Variants in FAT1 observed in about 807,000 individuals in gnomAD.
The protein encoded by FAT1 is FAT atypical cadherin 1, also known as protocadherin Fat 1.
Under a neutral mutation model 329.8 loss-of-function variants are expected in FAT1, and 171 were observed. The ratio of observed to expected loss-of-function variants is 0.52; its 90% CI spans 0.46 to 0.59. The LOEUF (loss-of-function observed/expected upper bound fraction) is 0.59. FAT1 is among the 20% of genes least tolerant of loss of function. The pLI, the probability that FAT1 is intolerant of heterozygous loss-of-function variation, is 0.00. For synonymous variants in FAT1, 2,233 were observed against 2,228.6 expected (o/e 1.00, Z -0.06); for missense variants, 5,672 against 5,774.4 (o/e 0.98, Z 0.57).
chr4:186,613,922 T>A (rs1739582284), intron 12 of FAT1, among the ~76,000 whole-genome samples: 1 of 150,514 alleles, frequency 6.6e-6, no homozygotes, highest in Non-Finnish European at 1.5e-5. Context: ...CTGAGGGTTG[T>A]TTTTTTTAAA....
chr4:186,618,980 C>T lies in FAT1; in HGVS notation c.7606G>A (p.Ala2536Thr), dbSNP rs1560939993. 1.2e-6 allele frequency: 2 copies of T among 1,613,992 alleles called. No individual in the cohort carries two copies. The highest frequency in any genetic ancestry group is 1.7e-6 in the Non-Finnish European group (2 of 1,179,898). The change falls in exon 10 of 27, where the codon GCC becomes ACC. Residue 2536 changes from alanine to threonine, a missense_variant. Coordinates refer to ENST00000441802, the MANE Select transcript of FAT1 (RefSeq NM_005245.4). ...HVTYHIVNDF[A>T]KDRFYINERG... ...TCATTTATGTAAAATCTGTCTTTGG[C>T]AAAGTCATTTACAATATGGTAAGTA...
intron 1 of FAT1, among the ~76,000 whole-genome samples, chr4:186,715,724 T>C (rs1447015830): frequency 1.3e-5 from 2 of 152,202 alleles, no homozygotes; most frequent in Non-Finnish European, 2.9e-5. Context: ...GTGATCACAC[T>C]ACTTAAACTC....
rs547340067 is a variant in FAT1 at position 186,707,019 on chromosome 4, G to C, written c.2809C>G (p.Arg937Gly). The change falls in exon 2 of 27, where the codon CGA (arginine) becomes GGA (glycine). Residue 937 changes from arginine to glycine, a missense_variant. Arg to Gly is a moderately radical substitution (Grantham distance 125). Coordinates refer to ENST00000441802, the MANE Select transcript of FAT1 (RefSeq NM_005245.4). ...FIPPNYRVKVREDLPEGTVIM... is the reference protein window; with the variant it reads ...FIPPNYRVKVGEDLPEGTVIM... ...ACGGTTCCTTCTGGAAGATCCTCTC[G>C]GACTTTCACACGATAATTAGGTGGA... is the stretch of plus-strand genomic sequence containing the variant. The C allele has an allele frequency of 6.2e-7, 1 of 1,613,680 alleles. No homozygotes were observed. Among genetic ancestry groups the C allele is most frequent in the African/African-American group, 1.3e-5 (1 of 74,838 alleles).
Position 186,709,133 on chromosome 4 carries a change from T to G in FAT1, c.695A>C (p.Tyr232Ser). ...ILAADRGMKL[Y>S]GSSGISSMAK... ...CATGCTGCTGATGCCACTGCTCCCA[T>G]ACAACTTCATGCCACGGTCCGCAGC... is the stretch of plus-strand genomic sequence containing the variant. The change falls in exon 2 of 27, where the codon TAT becomes TCT. Residue 232 changes from tyrosine (Y) to serine (S), a missense_variant. Coordinates refer to ENST00000441802, the MANE Select transcript of FAT1 (RefSeq NM_005245.4). 1 of 1,613,982 alleles carries G rather than the reference T, an allele frequency of 6.2e-7. No individual in the cohort carries two copies. The highest frequency in any genetic ancestry group is 8.5e-7 in the Non-Finnish European group (1 of 1,179,878).
At position 186,596,501 on chromosome 4, in the gene FAT1, T is replaced by G. The variant is rs982046185; in HGVS notation, c.13000+39A>C. ...AGAATTTGTAACCTCACTGTTTATC[T>G]CAAGTGACACTTTAGTGAGATGAAA... On this transcript the variant is annotated intron_variant, in intron 25 of 26. Coordinates refer to ENST00000441802, the MANE Select transcript of FAT1 (RefSeq NM_005245.4). This position sits in a 1 kb window ranked among gnomAD's most constrained non-coding sequence, Gnocchi z 4.7. 3.2e-6 allele frequency: 5 copies of G among 1,577,992 alleles called. No homozygotes were observed. Among genetic ancestry groups the G allele is most frequent in the Non-Finnish European group, 4.3e-6 (5 of 1,164,160 alleles).
intron 3 of FAT1, among the ~76,000 whole-genome samples, chr4:186,653,609 T>C (rs1741770641): frequency 6.6e-6 from 1 of 152,232 alleles, no homozygotes; most frequent in Non-Finnish European, 1.5e-5. Context: ...AGCTTGTTTT[T>C]GTGTGGCTGG....
At chr4:186,636,495 A>G (rs893069298) in intron 5 of FAT1, 90 bp downstream of exon 5, 1 of 1,362,768 alleles carries the variant, frequency 7.3e-7, no homozygotes, top group African/African-American at 1.5e-5. Context: ...GCCGTTTACA[A>G]AATAGAAATA....
Position 186,708,510 on chromosome 4 carries a change from T to C in FAT1, c.1318A>G (p.Thr440Ala), listed in dbSNP as rs2126697064. The stretch of plus-strand genomic sequence containing the variant: ...TTGGTGGACGCTTTTCTGTCACTTG[T>C]TGTTACTTCAAGTTCAAAATGGGCT... ...QAAHFELEVT[T>A]SDRKASTKVL... The change falls in exon 2 of 27, where the codon ACA becomes GCA. Residue 440 changes from threonine (T) to alanine (A), a missense_variant. Physicochemically the swap from Thr to Ala is moderately conservative, Grantham distance 58 (BLOSUM62 0). Around this residue, in one of 2 missense-constraint regions of FAT1, gnomAD observed 3,966 missense variants for 3,915.2 expected, o/e 1.01. Coordinates refer to ENST00000441802, the MANE Select transcript of FAT1 (RefSeq NM_005245.4). 6.2e-7 allele frequency: 1 copy of C among 1,613,998 alleles called. No homozygotes were observed. The highest frequency in any genetic ancestry group is 8.5e-7 in the Non-Finnish European group (1 of 1,179,890).
rs1462967243 is a variant in FAT1, at chr4:186,663,375, C to G, written c.3504G>C (p.Ser1168=). The G allele has an allele frequency of 3.1e-6, 5 of 1,613,890 alleles. No individual in the cohort carries two copies. Among genetic ancestry groups the G allele is most frequent in the Non-Finnish European group, 4.2e-6 (5 of 1,179,870 alleles). The change falls in exon 3 of 27, where the codon TCG becomes TCC. Residue 1168 remains serine (S), a synonymous_variant. Coordinates refer to ENST00000441802, the MANE Select transcript of FAT1 (RefSeq NM_005245.4). ...TGTACATGAGCTTGTCATTAGAGCT[C>G]GAATCTGGATCAAATGCCTCGATCT... is the stretch of plus-strand genomic sequence containing the variant. ...VVQIEAFDPD[S]SSNDKLMYKI...
chr4:186,639,657 T>C (rs1217584884), intron 4 of FAT1, 65 bp downstream of exon 4: 32 of 1,086,188 alleles, frequency 2.9e-5, no homozygotes, highest in Admixed American at 1.0e-4. Flanking sequence ...GGGAACAAGA[T>C]TGTTCTTTCC....
chr4:186,698,910 C>T (rs925279815), intron 2 of FAT1, among the ~76,000 whole-genome samples: 12 of 152,312 alleles, frequency 7.9e-5, no homozygotes, highest in Middle Eastern at 3.4e-3. Flanking sequence ...AACTGGCACG[C>T]GCTACTTTCC....
At position 186,616,495 on chromosome 4, in the gene FAT1, T is replaced by C. The variant is rs145622031; in HGVS notation, c.9075+510A>G. 3.1e-3 allele frequency among the ~76,000 whole-genome samples: 465 copies of C among 152,178 alleles called. 2 individuals carry two copies. The highest frequency in any genetic ancestry group is 0.01 in the African/African-American group (431 of 41,540). On this transcript the variant is annotated intron_variant, in intron 11 of 26. Coordinates refer to ENST00000441802, the MANE Select transcript of FAT1 (RefSeq NM_005245.4). Reference sequence around the variant, plus strand: ...ACCCTCTGGCCCCAGGGACCACCCCTGCTCGAGCCACATGCCCTCATCTAA... The same window carrying C: ...ACCCTCTGGCCCCAGGGACCACCCCCGCTCGAGCCACATGCCCTCATCTAA...
In FAT1 at chr4:186,597,042, C is replaced by T. The variant is rs60404529; in HGVS notation, c.12498G>A (p.Ala4166=). Residue 4166 remains alanine (A), a synonymous_variant, in exon 25 of 27, where the codon GCG becomes GCA. Transcript: ENST00000441802. Reference sequence around the variant, plus strand: ...ACGGCGTGGACACATACTGGTTGGGCGCAGCATCCTCGCAGTGACGTCCCC... The same window carrying T: ...ACGGCGTGGACACATACTGGTTGGGTGCAGCATCCTCGCAGTGACGTCCCC... ...EYRGRHCEDA[A]PNQYVSTPWN... is the part of the protein sequence containing the mutation. The T allele has an allele frequency of 1.9e-3, 3,127 of 1,613,952 alleles. 58 individuals carry two copies. In the African/African-American group the frequency reaches 0.035, roughly 18 times the overall value.
chr4:186,604,391 A>G lies in FAT1; in HGVS notation c.10534T>C (p.Leu3512=), dbSNP rs2126437992. The change falls in exon 18 of 27, where the codon TTA becomes CTA. Residue 3512 remains leucine, a synonymous_variant. Coordinates refer to ENST00000441802, the MANE Select transcript of FAT1 (RefSeq NM_005245.4). ...AIKRKEKDHY[L]LQVKVADNGK... ...GCCATTCATACCTTCACCTGCAGTA[A>G]GTAATGATCTTTCTCCTTCCTCTTG... 3.1e-6 allele frequency: 5 copies of G among 1,612,924 alleles called. No individual in the cohort carries two copies. The highest frequency in any genetic ancestry group is 1.1e-5 in the South Asian group (1 of 90,772).
At chr4:186,701,684 C>T (rs1744322240) in intron 2 of FAT1, among the ~76,000 whole-genome samples, 1 of 152,228 alleles carries the variant, frequency 6.6e-6, no homozygotes, top group South Asian at 2.1e-4. Context: ...GCCTCCTCCA[C>T]ATTCCTTCTC....
upstream of FAT1, among the ~76,000 whole-genome samples, chr4:186,724,052 C>T (rs1306544912): frequency 6.6e-6 from 1 of 151,710 alleles, no homozygotes; most frequent in African/African-American, 2.4e-5. The surrounding 1 kb of genome is among the most constrained non-coding windows in gnomAD (Gnocchi z 5.3). Context: ...AGAAGGCGCC[C>T]AGCGGGGTCT....
intron 9 of FAT1, among the ~76,000 whole-genome samples, chr4:186,625,014 C>G (rs934366202): frequency 6.6e-6 from 1 of 152,182 alleles, no homozygotes; most frequent in Non-Finnish European, 1.5e-5. Context: ...TTGGTATTAT[C>G]TATTCATGGA....
intron 2 of FAT1, among the ~76,000 whole-genome samples, chr4:186,685,106 G>T (rs1257226079): frequency 6.6e-6 from 1 of 152,164 alleles, no homozygotes; most frequent in Non-Finnish European, 1.5e-5. Context: ...GCCTTATCTG[G>T]CGTTACTTTG....
rs763212995 is a variant in FAT1, at chr4:186,611,487, T to G, written c.9752A>C (p.Gln3251Pro). 61 of 1,613,838 alleles carry G rather than the reference T, an allele frequency of 3.8e-5. No individual in the cohort carries two copies. Among genetic ancestry groups the G allele is most frequent in the Non-Finnish European group, 4.8e-5 (57 of 1,179,882 alleles). Reference sequence around the variant, plus strand: ...AATATCCCGACTTGCTGCATACACTTGAAGAACTTCAGTTCCAACAAGAAT... The same window carrying G: ...AATATCCCGACTTGCTGCATACACTGGAAGAACTTCAGTTCCAACAAGAAT... ...EDILVGTEVL[Q>P]VYAASRDIEA... is the part of the protein sequence containing the mutation. The change falls in exon 14 of 27, where the codon CAA becomes CCA. Residue 3251 changes from glutamine to proline, a missense_variant. By Grantham distance (76) the Gln-to-Pro change is moderately conservative. Coordinates refer to ENST00000441802, the MANE Select transcript of FAT1 (RefSeq NM_005245.4).
Sources: gnomAD v4.1 joint callset for allele counts (sites outside exome capture counted in the v4.1 genomes callset) on GRCh38, gnomAD v4.1.1 for gene constraint, gnomAD v4.1.1 regional missense constraint, Gnocchi (gnomAD v3.1) non-coding constraint, MANE v1.5 for transcripts, NCBI Gene and HGNC (gene_info 2026-07-23, HGNC 2026-07-21) for gene names.